Variants in UBE3D observed in about 807,000 individuals in gnomAD.
The protein encoded by UBE3D is ubiquitin protein ligase E3D.
A neutral mutation model predicts 49.6 loss-of-function variants in UBE3D; 48 were observed. The observed-to-expected ratio is 0.97, with a 90% CI of 0.77 to 1.23. The LOEUF (loss-of-function observed/expected upper bound fraction) is 1.23, where lower values mean the gene tolerates loss of function less well. UBE3D is among the 50% of genes most tolerant of loss of function. UBE3D has a pLI of 0.00. For synonymous variants in UBE3D, 189 were observed against 174.2 expected, an observed-to-expected ratio of 1.08 and a Z score of -0.67; for missense variants, 452 against 468.4, an observed-to-expected ratio of 0.96 and a Z score of 0.32.
intron 5 of UBE3D, among the ~76,000 whole-genome samples, chr6:83,027,798 A>C (rs1170979778): frequency 6.6e-6 from 1 of 152,194 alleles, no homozygotes; most frequent in Non-Finnish European, 1.5e-5. Flanking sequence ...CCTTGAATCT[A>C]TAGATTGCTA....
chr6:83,014,952 T>A (rs1780592275), intron 8 of UBE3D, among the ~76,000 whole-genome samples: 1 of 152,148 alleles, frequency 6.6e-6, no homozygotes, highest in African/African-American at 2.4e-5. Context: ...TCTAGGAACA[T>A]CGTAATTAGC....
At chr6:83,022,975 C>T (rs1331246177) in intron 6 of UBE3D, among the ~76,000 whole-genome samples, 1 of 152,168 alleles carries the variant, frequency 6.6e-6, no homozygotes, top group Admixed American at 6.5e-5. Flanking sequence ...TTGGATCTCC[C>T]TAAAGTGTCA....
chr6:83,054,455 G>A (rs1050205266), intron 2 of UBE3D, among the ~76,000 whole-genome samples: 2 of 152,050 alleles, frequency 1.3e-5, no homozygotes, highest in Non-Finnish European at 2.9e-5. Context: ...TCCAGAGACA[G>A]GTACTGCTCT....
intron 9 of UBE3D, among the ~76,000 whole-genome samples, chr6:82,925,953 A>G (rs1244665067): frequency 2.0e-5 from 3 of 152,200 alleles, no homozygotes; most frequent in Non-Finnish European, 2.9e-5. Context: ...AGTACATGAT[A>G]GAACCAGTAT....
At chr6:82,985,013 T>TC (rs1432048358) in intron 8 of UBE3D, among the ~76,000 whole-genome samples, 2 of 135,632 alleles carry the variant, frequency 1.5e-5, no homozygotes, top group African/African-American at 2.7e-5. Flanking sequence ...TTCTTCTTTT[T>TC]TTTTTTTTTT....
intron 8 of UBE3D, among the ~76,000 whole-genome samples, chr6:82,966,152 A>T (rs1776905159): frequency 6.6e-6 from 1 of 152,168 alleles, no homozygotes; most frequent in East Asian, 1.9e-4. Flanking sequence ...GGCATTCCTC[A>T]TCTGTATGCC....
At chr6:82,907,661 T>G (rs1253523192) in intron 9 of UBE3D, among the ~76,000 whole-genome samples, 1 of 152,100 alleles carries the variant, frequency 6.6e-6, no homozygotes, top group Admixed American at 6.5e-5. Context: ...CCCAGAATAG[T>G]TAAATAAAAG....
chr6:82,967,089 T>C (rs1345678348), intron 8 of UBE3D, among the ~76,000 whole-genome samples: 1 of 152,238 alleles, frequency 6.6e-6, no homozygotes, highest in Non-Finnish European at 1.5e-5. Context: ...TCTGTCGAGC[T>C]GGCATCTGCT....
chr6:82,987,090 G>C (rs1778571928), intron 8 of UBE3D, among the ~76,000 whole-genome samples: 1 of 151,922 alleles, frequency 6.6e-6, no homozygotes, highest in Non-Finnish European at 1.5e-5. Context: ...GACTACAGGT[G>C]CTACAGATGT....
At chr6:82,970,562 G>A (rs1335808991) in intron 8 of UBE3D, among the ~76,000 whole-genome samples, 1 of 152,128 alleles carries the variant, frequency 6.6e-6, no homozygotes, top group Non-Finnish European at 1.5e-5. Context: ...ACTCTGGGCC[G>A]GGCGCTGTGG....
downstream of UBE3D, among the ~76,000 whole-genome samples, chr6:82,889,661 T>A (rs911752875): frequency 1.3e-5 from 2 of 152,158 alleles, no homozygotes; most frequent in African/African-American, 4.8e-5. Context: ...CCCATCTTTG[T>A]CTTATTGTGC....
intron 9 of UBE3D, among the ~76,000 whole-genome samples, chr6:82,941,491 C>T (rs1334270398): frequency 6.6e-6 from 1 of 150,650 alleles, no homozygotes; most frequent in Admixed American, 6.6e-5. Context: ...GTCTATAGCC[C>T]ATTGTTGCTA....
intron 9 of UBE3D, among the ~76,000 whole-genome samples, chr6:82,915,922 T>C (rs1367815327): frequency 6.6e-6 from 1 of 152,128 alleles, no homozygotes; most frequent in Non-Finnish European, 1.5e-5. Flanking sequence ...ATTAGGTATA[T>C]GACAAGCTTG....
chr6:82,946,847 C>T (rs1775441363), intron 9 of UBE3D, among the ~76,000 whole-genome samples: 1 of 151,184 alleles, frequency 6.6e-6, no homozygotes, highest in Non-Finnish European at 1.5e-5. Context: ...TGTTATCAGC[C>T]TAAAATAATG....
chr6:82,987,940 C>T (rs1778634182), intron 8 of UBE3D, among the ~76,000 whole-genome samples: 1 of 152,108 alleles, frequency 6.6e-6, no homozygotes, highest in South Asian at 2.1e-4. Flanking sequence ...CTTAAAAACA[C>T]AGTCAGAAGT....
At chr6:82,982,194 T>C (rs1424917023) in intron 8 of UBE3D, among the ~76,000 whole-genome samples, 1 of 152,182 alleles carries the variant, frequency 6.6e-6, no homozygotes, top group Non-Finnish European at 1.5e-5. Context: ...CACCCAATAC[T>C]CTCAACCCCT....
intron 8 of UBE3D, among the ~76,000 whole-genome samples, chr6:82,959,885 T>C (rs1304911202): frequency 2.0e-5 from 3 of 152,082 alleles, no homozygotes. Flanking sequence ...CCCAGGGTCC[T>C]GTTAGTGGAA....
intron 9 of UBE3D, among the ~76,000 whole-genome samples, chr6:82,949,925 T>C (rs1775666276): frequency 6.6e-6 from 1 of 152,130 alleles, no homozygotes; most frequent in Admixed American, 6.6e-5. Context: ...AAGAAAACAT[T>C]GGGGAAACTC....
At chr6:83,034,602 T>C (rs955680148) in intron 5 of UBE3D, among the ~76,000 whole-genome samples, 3 of 152,086 alleles carry the variant, frequency 2.0e-5, no homozygotes, top group Non-Finnish European at 2.9e-5. Context: ...ATCTCCCCCG[T>C]CTCACGATAG....
Sources: gnomAD v4.1 joint callset for allele counts (sites outside exome capture counted in the v4.1 genomes callset) on GRCh38, gnomAD v4.1.1 for gene constraint, MANE v1.5 for transcripts, NCBI Gene and HGNC (gene_info 2026-07-23, HGNC 2026-07-21) for gene names.